TCF4: variants seen among roughly 807,000 people sequenced by gnomAD.
TCF4 encodes SL3-3 enhancer factor 2.
In TCF4, 3 loss-of-function variants were observed where a neutral mutation model predicts 82.1. That is an observed-to-expected ratio of 0.04 (90% CI 0.02 to 0.09). TCF4 has a LOEUF of 0.09. Among genes scored for constraint, TCF4 ranks in the 10% least tolerant of loss-of-function variants. The pLI is 1.00. For synonymous variants in TCF4, 276 were observed against 309.6 expected, an observed-to-expected ratio of 0.89 and a Z score of 1.14; for missense variants, 518 against 852.7, an observed-to-expected ratio of 0.61 and a Z score of 4.89.
chr18:55,382,075 A>G (rs1025463779), intron 6 of TCF4, among the ~76,000 whole-genome samples: 1 of 152,188 alleles, frequency 6.6e-6, no homozygotes, highest in Non-Finnish European at 1.5e-5. Flanking sequence ...AAATAATTCT[A>G]TAGAGAAAAA....
At chr18:55,322,427 A>C in intron 8 of TCF4, 1 of 704,352 alleles carries the variant, frequency 1.4e-6, no homozygotes, top group Non-Finnish European at 1.7e-6. Context: ...GGAGGGAAGA[A>C]AAAAAAAAAA....
At position 55,608,370 on chromosome 18, in the gene TCF4, T is replaced by TTA. The variant is rs34079491; in HGVS notation, c.287-21235_287-21234insTA. Among the ~76,000 whole-genome samples the TTA allele has an allele frequency of 1.7e-4, 3 of 18,036 alleles. No individual in the cohort carries two copies. In the Admixed American group the frequency reaches 5.3e-3, roughly 32 times the overall value. The allele number at this position is 18,036 out of a possible 152,430, so 11.8% of individuals were successfully genotyped here. A position where few individuals can be genotyped will look rare whatever the true frequency, so the allele number is the denominator to read the frequency against. Reference sequence around the variant, plus strand: ...ACCGATCTAGCATCTTGCCACAGTATTTTTTTTTTTTTTTTTTTTTGCAAT... The same window carrying TTA: ...ACCGATCTAGCATCTTGCCACAGTATTATTTTTTTTTTTTTTTTTTTTGCAAT... On this transcript the variant is annotated intron_variant, in intron 2 of 20. Transcript: ENST00000398339.
At chr18:55,396,729 T>C (rs565017283) in intron 6 of TCF4, among the ~76,000 whole-genome samples, 10 of 152,342 alleles carry the variant, frequency 6.6e-5, no homozygotes, top group Middle Eastern at 3.4e-3. Flanking sequence ...TCTCTGACCA[T>C]CAGCCTGAGC....
At chr18:55,540,327 T>G (rs2097155084) in intron 3 of TCF4, among the ~76,000 whole-genome samples, 1 of 152,068 alleles carries the variant, frequency 6.6e-6, no homozygotes, top group Admixed American at 6.6e-5. Flanking sequence ...AAAAACAGAA[T>G]ATTGTTTTCA....
At chr18:55,408,896 T>G (rs1052701594) in intron 5 of TCF4, among the ~76,000 whole-genome samples, 1 of 152,158 alleles carries the variant, frequency 6.6e-6, no homozygotes, top group Non-Finnish European at 1.5e-5. Flanking sequence ...AAAACACTCA[T>G]GAATTTGATA....
At chr18:55,608,508 T>A (rs1377548553) in intron 2 of TCF4, among the ~76,000 whole-genome samples, 2 of 152,058 alleles carry the variant, frequency 1.3e-5, no homozygotes, top group Non-Finnish European at 2.9e-5. Context: ...AATTAGTCTG[T>A]ATGAGCCATT....
upstream of TCF4, chr18:55,589,482 AT>A: frequency 9.5e-7 from 1 of 1,055,718 alleles, no homozygotes; most frequent in East Asian, 5.3e-5. Flanking sequence ...TGGTTTTTGC[AT>A]TTTCCACCAT....
intron 6 of TCF4, among the ~76,000 whole-genome samples, chr18:55,361,276 A>C (rs1026632740): frequency 7.2e-5 from 11 of 151,956 alleles, no homozygotes; most frequent in Non-Finnish European, 1.5e-4. Context: ...ACCCATAGCC[A>C]ATCTAGTAGT....
At chr18:55,513,664 C>T (rs369741643) in intron 3 of TCF4, among the ~76,000 whole-genome samples, 12 of 151,908 alleles carry the variant, frequency 7.9e-5, no homozygotes, top group African/African-American at 2.2e-4. Flanking sequence ...ATTTGGAAAA[C>T]GCAATAACCT....
intron 8 of TCF4, among the ~76,000 whole-genome samples, chr18:55,289,867 T>C (rs576190925): frequency 6.7e-6 from 1 of 149,462 alleles, no homozygotes; most frequent in East Asian, 2.0e-4. Context: ...AACAATAAGG[T>C]AAAAAAGGCA....
intron 2 of TCF4, among the ~76,000 whole-genome samples, chr18:55,602,395 TG>T (rs1261207222): frequency 2.0e-5 from 3 of 152,220 alleles, no homozygotes; most frequent in African/African-American, 7.2e-5. Flanking sequence ...TTACTAATCT[TG>T]TTCCAATTTT....
chr18:55,290,803 C>CA (rs2064892894), intron 8 of TCF4, among the ~76,000 whole-genome samples: 1 of 152,014 alleles, frequency 6.6e-6, no homozygotes, highest in Non-Finnish European at 1.5e-5. Flanking sequence ...AGTCGACATT[C>CA]AAGCAAGAAT....
intron 2 of TCF4, 171 bp from the exon 3 acceptor site, chr18:55,585,523 C>G (rs1335275245): frequency 2.9e-6 from 2 of 687,244 alleles, no homozygotes; most frequent in Non-Finnish European, 4.9e-6. Context: ...CATTACAGAT[C>G]CCACCCCAGC....
At chr18:55,436,350 G>A (rs1603464258) in intron 5 of TCF4, among the ~76,000 whole-genome samples, 2 of 152,038 alleles carry the variant, frequency 1.3e-5, no homozygotes, top group Non-Finnish European at 2.9e-5. Context: ...CCCCGTAAAG[G>A]TTACATTTTC....
rs571711107 is a variant in TCF4 at position 55,441,375 on chromosome 18, G to C, written c.304+19644C>G. Among the ~76,000 whole-genome samples the C allele has an allele frequency of 3.9e-5, 6 of 152,276 alleles. No homozygotes were observed. In the East Asian group the frequency reaches 1.2e-3, roughly 29 times the overall value. On this transcript the variant is annotated intron_variant, in intron 5 of 19. Transcript: ENST00000354452. Reference sequence around the variant, plus strand: ...TTCCATTTGTACATAATGATAAATAGTTTAAGCTATATTCAGTACATTCAC... The same window carrying C: ...TTCCATTTGTACATAATGATAAATACTTTAAGCTATATTCAGTACATTCAC...
intron 3 of TCF4, among the ~76,000 whole-genome samples, chr18:55,579,663 G>A (rs1345609769): frequency 6.6e-6 from 1 of 151,926 alleles, no homozygotes; most frequent in Non-Finnish European, 1.5e-5. Context: ...TGTTATCTTG[G>A]CTTATGGGAA....
intron 8 of TCF4, among the ~76,000 whole-genome samples, chr18:55,314,280 A>G (rs913311299): frequency 6.6e-6 from 1 of 152,138 alleles, no homozygotes; most frequent in Non-Finnish European, 1.5e-5. Flanking sequence ...CACTTCTGTA[A>G]TAACAGGTGC....
chr18:55,360,324 A>G (rs1261502937), intron 6 of TCF4, among the ~76,000 whole-genome samples: 1 of 152,196 alleles, frequency 6.6e-6, no homozygotes, highest in Non-Finnish European at 1.5e-5. Flanking sequence ...GAGACTAGAG[A>G]CAGAACTTAG....
intron 3 of TCF4, among the ~76,000 whole-genome samples, chr18:55,506,918 A>G (rs904177859): frequency 8.1e-5 from 12 of 147,302 alleles, no homozygotes; most frequent in African/African-American, 2.8e-4. Context: ...GCTGGAGTGC[A>G]GTGGCACAAT....
Sources: gnomAD v4.1 joint callset for allele counts (sites outside exome capture counted in the v4.1 genomes callset) on GRCh38, gnomAD v4.1.1 for gene constraint, MANE v1.5 for transcripts, NCBI Gene and HGNC (gene_info 2026-07-23, HGNC 2026-07-21) for gene names.